Variants in TMEFF2 observed in about 807,000 individuals in gnomAD.
TMEFF2 encodes the protein tomoregulin-2.
A neutral mutation model predicts 53.8 loss-of-function variants in TMEFF2; 28 were observed. The ratio of observed to expected loss-of-function variants is 0.52; its 90% CI spans 0.39 to 0.71. The LOEUF (loss-of-function observed/expected upper bound fraction) is 0.71. Ranked by LOEUF, TMEFF2 falls within the 30% of genes least tolerant of loss-of-function variation. The pLI is 0.00. For missense variants in TMEFF2, 353 were observed against 455.2 expected (o/e 0.78, Z 2.04); for synonymous variants, 162 against 166.3 (o/e 0.97, Z 0.20).
chr2:192,193,041 T>C (rs1162941823), intron 1 of TMEFF2, among the ~76,000 whole-genome samples: 1 of 152,218 alleles, frequency 6.6e-6, no homozygotes, highest in African/African-American at 2.4e-5. Flanking sequence ...GAATGATGCA[T>C]AATAATTTTC....
intron 4 of TMEFF2, among the ~76,000 whole-genome samples, chr2:192,152,258 AG>A (rs1448880748): frequency 6.6e-6 from 1 of 151,940 alleles, no homozygotes; most frequent in Non-Finnish European, 1.5e-5. Context: ...ACTAAATGCA[AG>A]GTTTGAATCC....
At chr2:192,003,373 C>G (rs1420962926) in intron 5 of TMEFF2, among the ~76,000 whole-genome samples, 1 of 152,160 alleles carries the variant, frequency 6.6e-6, no homozygotes, top group African/African-American at 2.4e-5. Flanking sequence ...ACCCAAACTC[C>G]TATCACAGAC....
intron 8 of TMEFF2, among the ~76,000 whole-genome samples, 165 bp downstream of exon 8, chr2:191,956,090 G>GAATGCTTGTGTT (rs1692079796): frequency 1.3e-5 from 2 of 151,122 alleles, no homozygotes; most frequent in Non-Finnish European, 1.5e-5. Context: ...TTTAGTGTGT[G>GAATGCTTGTGTT]AGTATGTGTG....
At chr2:191,950,632 AGAG>A (rs1691847413) in intron 9 of TMEFF2, among the ~76,000 whole-genome samples, 1 of 152,156 alleles carries the variant, frequency 6.6e-6, no homozygotes, top group Non-Finnish European at 1.5e-5. Context: ...CAGAAGTTGA[AGAG>A]GAAGACATTT....
intron 7 of TMEFF2, among the ~76,000 whole-genome samples, chr2:191,963,267 T>C (rs942160067): frequency 1.3e-5 from 2 of 152,198 alleles, no homozygotes; most frequent in Non-Finnish European, 2.9e-5. Flanking sequence ...GCTAAGAATA[T>C]ATTTATTCTC....
At chr2:192,173,191 C>A (rs763231547) in intron 4 of TMEFF2, among the ~76,000 whole-genome samples, 20 of 151,714 alleles carry the variant, frequency 1.3e-4, no homozygotes, top group Non-Finnish European at 2.4e-4. Context: ...GTGATGGATA[C>A]CCCAATTACC....
rs753512988 is a variant in TMEFF2, at chr2:192,191,932, T to G, written c.230A>C (p.Asp77Ala). 3.7e-6 allele frequency: 6 copies of G among 1,613,602 alleles called. No homozygotes were observed. In the South Asian group the frequency reaches 4.4e-5, roughly 12 times the overall value. ...FLCDTNTCKF[D>A]GECLRIGDTV... ...GTCTCCAATTCTTAAACATTCCCCA[T>G]CAAATTTACAGGTGTTGGTGTCACA... is the stretch of plus-strand genomic sequence containing the variant. Residue 77 changes from aspartate (D) to alanine (A), a missense_variant, in exon 2 of 10, where the codon GAT (aspartate) becomes GCT (alanine). Coordinates refer to ENST00000272771, the MANE Select transcript of TMEFF2 (RefSeq NM_016192.4).
intron 5 of TMEFF2, among the ~76,000 whole-genome samples, chr2:192,015,040 C>T (rs976453263): frequency 1.3e-5 from 2 of 152,136 alleles, no homozygotes; most frequent in African/African-American, 2.4e-5. Flanking sequence ...ATAATACCTC[C>T]CTTTGCATAC....
intron 7 of TMEFF2, among the ~76,000 whole-genome samples, chr2:191,968,572 A>G (rs1035092095): frequency 2.6e-5 from 4 of 152,174 alleles, no homozygotes; most frequent in African/African-American, 4.8e-5. Context: ...AGCTCTGTTG[A>G]TGCCTGACTA....
chr2:192,062,892 G>T (rs771303938), intron 4 of TMEFF2, among the ~76,000 whole-genome samples: 32 of 151,722 alleles, frequency 2.1e-4, no homozygotes, highest in Non-Finnish European at 3.8e-4. Flanking sequence ...GCTATTTTAT[G>T]AGAGTTTGTG....
chr2:192,022,247 T>C (rs1686874593), intron 5 of TMEFF2, among the ~76,000 whole-genome samples: 1 of 152,154 alleles, frequency 6.6e-6, no homozygotes, highest in Non-Finnish European at 1.5e-5. Context: ...CCCAGGTGGG[T>C]GTGCAGCTTC....
chr2:191,971,402 T>C (rs1024560919), intron 7 of TMEFF2, among the ~76,000 whole-genome samples: 7 of 152,216 alleles, frequency 4.6e-5, no homozygotes, highest in African/African-American at 1.7e-4. Context: ...ACATTTAGAA[T>C]TGGGCTTATA....
At chr2:192,189,996 C>T (rs1475615569) in intron 2 of TMEFF2, among the ~76,000 whole-genome samples, 1 of 152,174 alleles carries the variant, frequency 6.6e-6, no homozygotes, top group Non-Finnish European at 1.5e-5. Context: ...CACAGACTTG[C>T]ATTCGTTTCC....
chr2:192,110,556 A>G (rs776737609), intron 4 of TMEFF2, among the ~76,000 whole-genome samples: 2 of 152,072 alleles, frequency 1.3e-5, no homozygotes, highest in South Asian at 4.1e-4. Context: ...AATTCTTTCT[A>G]TTTCTTCTAG....
At chr2:192,067,454 G>C (rs917845909) in intron 4 of TMEFF2, among the ~76,000 whole-genome samples, 1 of 151,760 alleles carries the variant, frequency 6.6e-6, no homozygotes, top group East Asian at 1.9e-4. Context: ...CATTTAAGGA[G>C]GTCATCAGTT....
At chr2:192,092,872 A>G (rs1432647629) in intron 4 of TMEFF2, among the ~76,000 whole-genome samples, 1 of 152,128 alleles carries the variant, frequency 6.6e-6, no homozygotes, top group Non-Finnish European at 1.5e-5. Flanking sequence ...TATAGCATCA[A>G]TAAGGAATGC....
At chr2:192,070,759 G>A (rs1318949155) in intron 4 of TMEFF2, among the ~76,000 whole-genome samples, 1 of 151,920 alleles carries the variant, frequency 6.6e-6, no homozygotes, top group Non-Finnish European at 1.5e-5. Context: ...ATAACAAGGT[G>A]TAACCACATG....
At chr2:192,066,324 AATCT>A (rs1258134231) in intron 4 of TMEFF2, among the ~76,000 whole-genome samples, 1 of 151,794 alleles carries the variant, frequency 6.6e-6, no homozygotes, top group African/African-American at 2.4e-5. Context: ...TTGATTAAAA[AATCT>A]ATCACCACTG....
chr2:192,145,211 A>T (rs1333201125), intron 4 of TMEFF2, among the ~76,000 whole-genome samples: 1 of 151,996 alleles, frequency 6.6e-6, no homozygotes, highest in Non-Finnish European at 1.5e-5. Flanking sequence ...GATTCCTTTG[A>T]AAAGTAACTA....
Sources: allele counts gnomAD v4.1 joint callset (sites outside exome capture counted in the v4.1 genomes callset), GRCh38; gene constraint gnomAD v4.1.1; transcripts MANE v1.5; gene names NCBI Gene and HGNC (gene_info 2026-07-23, HGNC 2026-07-21).